TBC1D8B: variants seen among roughly 807,000 people sequenced by gnomAD.
The protein encoded by TBC1D8B is RP11-321G1.1.
In TBC1D8B, 75 loss-of-function variants were observed where a neutral mutation model predicts 82.9. The ratio of observed to expected loss-of-function variants is 0.90; its 90% confidence interval spans 0.75 to 1.10. The LOEUF (loss-of-function observed/expected upper bound fraction) is 1.10, where lower values mean the gene tolerates loss of function less well. Among genes scored for constraint, TBC1D8B ranks in the 50% least tolerant of loss-of-function variants. The pLI is 0.00. For missense variants in TBC1D8B, 794 were observed against 796.9 expected (o/e 1.00, Z 0.04); for synonymous variants, 276 against 276.8 (o/e 1.00, Z 0.03).
intron 1 of TBC1D8B, among the ~76,000 whole-genome samples, chrX:106,812,760 GA>G (rs1224368884): frequency 8.9e-6 from 1 of 112,016 alleles, no homozygotes; most frequent in Non-Finnish European, 1.9e-5. Context: ...CTAAATATTG[GA>G]AGGGGCAATT....
chrX:106,875,318 C>T lies in TBC1D8B; in HGVS notation c.*1353C>T, dbSNP rs1482510232. 2 of 111,682 alleles carry T rather than the reference C, an allele frequency of 1.8e-5. No individual in the cohort carries two copies. Among genetic ancestry groups the T allele is most frequent in the African/African-American group, 6.5e-5 (2 of 30,726 alleles). The allele number at this position is 111,682 out of a possible 1,213,427, so 9.2% of individuals were successfully genotyped here. ...CCTTCAGAGTGACTCAAGAGGTCTC[C>T]CTTTCTTGGAGGGAGTTGGTACAGT... is the stretch of plus-strand genomic sequence containing the variant. On this transcript the variant is annotated 3_prime_UTR_variant, in exon 21 of 21. Coordinates refer to ENST00000357242, the MANE Select transcript of TBC1D8B (RefSeq NM_017752.3).
In TBC1D8B at chrX:106,822,188, T is replaced by C. The variant is rs374959449; in HGVS notation, c.572T>C (p.Leu191Ser). 6 of 1,199,976 alleles carry C rather than the reference T, an allele frequency of 5.0e-6. No individual in the cohort carries two copies. Among genetic ancestry groups the C allele is most frequent in the South Asian group, 1.8e-5 (1 of 54,314 alleles). The change falls in exon 4 of 21, where the codon TTG becomes TCG. Residue 191 changes from leucine to serine, a missense_variant. By Grantham distance (145) the Leu-to-Ser change is moderately radical. Transcript: ENST00000357242. Reference sequence around the variant, plus strand: ...AACTTTCTGAGCTTCTATTCTTTTTTGTTGGGATCAGAAAGTAAGTGGTTT... The same window carrying C: ...AACTTTCTGAGCTTCTATTCTTTTTCGTTGGGATCAGAAAGTAAGTGGTTT... ...STNFLSFYSF[L>S]LGSEIKLIIS...
At chrX:106,847,264 A>G (rs1257102440) in intron 10 of TBC1D8B, among the ~76,000 whole-genome samples, 1 of 111,856 alleles carries the variant, frequency 8.9e-6, no homozygotes, top group Admixed American at 9.5e-5. Flanking sequence ...TTTTTTAGTC[A>G]TTAAAAATAC....
At position 106,840,755 on chromosome X, in the gene TBC1D8B, A is replaced by C. The variant is rs751928877; in HGVS notation, c.1590A>C (p.Glu530Asp). Residue 530 changes from glutamate (E) to aspartate (D), a missense_variant, in exon 10 of 21, where the codon GAA becomes GAC. Coordinates refer to ENST00000357242, the MANE Select transcript of TBC1D8B (RefSeq NM_017752.3). ...TAGGGACCTGCAACTTGGCTACTGAAGAAATTGAACGTGATTTACGTCGCT... is the reference window on the plus strand; with the variant it reads ...TAGGGACCTGCAACTTGGCTACTGACGAAATTGAACGTGATTTACGTCGCT... ...QSLGTCNLAT[E>D]EIERDLRRSL... is the part of the protein sequence containing the mutation. 1.2e-5 allele frequency: 14 copies of C among 1,211,430 alleles called. No individual in the cohort carries two copies. The highest frequency in any genetic ancestry group is 1.5e-5 in the Non-Finnish European group (13 of 895,254).
intron 18 of TBC1D8B, 128 bp downstream of exon 18, chrX:106,868,604 C>G (rs1028347546): frequency 5.9e-6 from 2 of 338,614 alleles, no homozygotes; most frequent in Non-Finnish European, 9.8e-6. Context: ...TGTATTACCA[C>G]AGCACTTAGC....
chrX:106,849,198 C>A, intron 11 of TBC1D8B: 2 of 1,078,146 alleles, frequency 1.9e-6, no homozygotes, highest in South Asian at 2.3e-5. Context: ...ATTTTACTGT[C>A]TTTCATTATA....
intron 10 of TBC1D8B, 50 bp from the exon 11 acceptor site, chrX:106,848,136 T>C: frequency 1.1e-6 from 1 of 871,858 alleles, no homozygotes; most frequent in East Asian, 3.2e-5. Flanking sequence ...GAAGTATAAT[T>C]ATTACTTGAG....
chrX:106,864,403 T>C (rs370876591), intron 14 of TBC1D8B, among the ~76,000 whole-genome samples: 7 of 110,408 alleles, frequency 6.3e-5, no homozygotes, highest in African/African-American at 9.9e-5. Context: ...TCTTAGATGA[T>C]TGGCTTTTAG....
chrX:106,803,582 C>G (rs1931098955), intron 1 of TBC1D8B, among the ~76,000 whole-genome samples: 1 of 111,144 alleles, frequency 9.0e-6, no homozygotes, highest in African/African-American at 3.3e-5. Context: ...TTTACTTTGT[C>G]TCCAAGTTTT....
chrX:106,848,833 G>A (rs898650783), intron 11 of TBC1D8B, among the ~76,000 whole-genome samples: 7 of 109,678 alleles, frequency 6.4e-5, no homozygotes, highest in African/African-American at 1.3e-4. Context: ...GCTGGAGTGC[G>A]GCCTCGGCTT....
intron 3 of TBC1D8B, among the ~76,000 whole-genome samples, chrX:106,821,288 C>T (rs1312421683): frequency 9.0e-6 from 1 of 111,110 alleles, no homozygotes; most frequent in African/African-American, 3.3e-5. Flanking sequence ...GCTGGATTTA[C>T]TTTTTTCCCC....
chrX:106,861,850 T>G (rs1337481769), intron 14 of TBC1D8B, among the ~76,000 whole-genome samples: 1 of 112,065 alleles, frequency 8.9e-6, no homozygotes, highest in African/African-American at 3.2e-5. Context: ...TCTATGTACT[T>G]AAGTGTGTTT....
In TBC1D8B at chrX:106,840,885, G is replaced by A; in HGVS notation, c.1719+1G>A. The A allele has an allele frequency of 8.3e-7, 1 of 1,201,328 alleles. No homozygotes were observed. The highest frequency in any genetic ancestry group is 3.0e-5 in the East Asian group (1 of 33,705). On this transcript the variant is annotated splice_donor_variant, in intron 10 of 20. Transcript: ENST00000357242. LOFTEE classifies it high-confidence loss of function. ...GAATCCCAAAATTGGATACTGCCAG[G>A]TATGACTTAACTATGAGCCCAACTG...
intron 18 of TBC1D8B, among the ~76,000 whole-genome samples, chrX:106,869,077 C>G (rs1178191195): frequency 9.0e-6 from 1 of 111,056 alleles, no homozygotes; most frequent in Middle Eastern, 4.2e-3. Flanking sequence ...GCACTAAGGC[C>G]CAGAGAGAAG....
chrX:106,864,080 T>C (rs1475999041), intron 14 of TBC1D8B, among the ~76,000 whole-genome samples: 1 of 111,359 alleles, frequency 9.0e-6, no homozygotes, highest in Non-Finnish European at 1.9e-5. Flanking sequence ...GGCGCTGGTG[T>C]TGGTCTGTTC....
At chrX:106,820,283 C>T (rs1223883901) in intron 2 of TBC1D8B, among the ~76,000 whole-genome samples, 1 of 110,994 alleles carries the variant, frequency 9.0e-6, no homozygotes, top group East Asian at 2.8e-4. Context: ...CAGCGGGTCA[C>T]ATGGATTTAA....
intron 10 of TBC1D8B, among the ~76,000 whole-genome samples, chrX:106,841,392 C>T (rs1425472932): frequency 9.0e-6 from 1 of 111,275 alleles, no homozygotes; most frequent in Non-Finnish European, 1.9e-5. Context: ...AAAGAACATG[C>T]CAGGTGATGG....
At position 106,826,019 on chromosome X, in the gene TBC1D8B, C is replaced by T. The variant is rs1482857378; in HGVS notation, c.828-11C>T. 5 of 1,198,725 alleles carry T rather than the reference C, an allele frequency of 4.2e-6. No homozygotes were observed. Among genetic ancestry groups the T allele is most frequent in the African/African-American group, 3.5e-5 (2 of 56,861 alleles). Reference sequence around the variant, plus strand: ...TCATTTGTGCCTTATCCCATTTTTTCTTTCCTACAGAGGTCTGGAAAATAG... The same window carrying T: ...TCATTTGTGCCTTATCCCATTTTTTTTTTCCTACAGAGGTCTGGAAAATAG... On this transcript the variant is annotated splice_polypyrimidine_tract_variant and intron_variant, in intron 5 of 20. Transcript: ENST00000357242.
chrX:106,831,220 A>G (rs1420854372), intron 7 of TBC1D8B, among the ~76,000 whole-genome samples: 1 of 111,819 alleles, frequency 8.9e-6, no homozygotes, highest in Admixed American at 9.5e-5. Flanking sequence ...TTTTACTGCT[A>G]TCTCCAGAGT....
Sources: allele counts gnomAD v4.1 joint callset (sites outside exome capture counted in the v4.1 genomes callset), GRCh38; gene constraint gnomAD v4.1.1; transcripts MANE v1.5; gene names NCBI Gene and HGNC (gene_info 2026-07-23, HGNC 2026-07-21).